Variants in TMEM132D observed in about 807,000 individuals in gnomAD.
TMEM132D encodes the protein mature OL transmembrane protein.
A neutral mutation model predicts 62.3 loss-of-function variants in TMEM132D; 21 were observed. The observed-to-expected ratio is 0.34, with a 90% CI of 0.24 to 0.49. The LOEUF (loss-of-function observed/expected upper bound fraction) is 0.49. Among genes scored for constraint, TMEM132D ranks in the 20% least tolerant of loss-of-function variants. TMEM132D has a pLI of 0.99. For synonymous variants in TMEM132D, 621 were observed against 575.6 expected, an observed-to-expected ratio of 1.08 and a Z score of -1.13; for missense variants, 1,346 against 1,402.8, an observed-to-expected ratio of 0.96 and a Z score of 0.65.
At chr12:129,449,110 TTC>T (rs1417476789) in intron 3 of TMEM132D, among the ~76,000 whole-genome samples, 3 of 152,180 alleles carry the variant, frequency 2.0e-5, no homozygotes, top group Admixed American at 2.0e-4. Context: ...GATTTCATGG[TTC>T]ACAATGGGAA....
At chr12:129,542,506 T>C (rs969254273) in intron 2 of TMEM132D, among the ~76,000 whole-genome samples, 2 of 152,180 alleles carry the variant, frequency 1.3e-5, no homozygotes, top group African/African-American at 2.4e-5. Context: ...AGAAACGTTA[T>C]AAATATTCAA....
intron 3 of TMEM132D, among the ~76,000 whole-genome samples, chr12:129,487,793 T>C (rs1265766564): frequency 6.6e-6 from 1 of 151,466 alleles, no homozygotes; most frequent in Non-Finnish European, 1.5e-5. Context: ...AAAAATTAGC[T>C]GGGCATGGTG....
intron 1 of TMEM132D, among the ~76,000 whole-genome samples, chr12:129,726,110 G>A (rs112180682): frequency 6.6e-6 from 1 of 152,188 alleles, no homozygotes; most frequent in Non-Finnish European, 1.5e-5. Flanking sequence ...CTCATTGCTG[G>A]AAGAATTAAA....
Position 129,409,603 on chromosome 12 carries a change from A to G in TMEM132D, c.1116-71786T>C, listed in dbSNP as rs11060328. ...GAATTACCACTTTCAGCAATTTGAG[A>G]GGCTGATTTGTCACCAACATTATGA... On this transcript the variant is annotated intron_variant, in intron 3 of 8. Coordinates refer to ENST00000422113, the MANE Select transcript of TMEM132D (RefSeq NM_133448.3). Among the ~76,000 whole-genome samples, 309 of 152,332 alleles carry G rather than the reference A, an allele frequency of 2.0e-3. 2 individuals are homozygous for G. In the East Asian group the frequency reaches 0.054, roughly 27 times the overall value.
chr12:129,216,429 A>G (rs954520268), intron 4 of TMEM132D, among the ~76,000 whole-genome samples: 1 of 152,208 alleles, frequency 6.6e-6, no homozygotes, highest in Non-Finnish European at 1.5e-5. Context: ...TGTCCTTACA[A>G]GAAGAGAAAA....
At chr12:129,894,550 A>G (rs1236563180) in intron 1 of TMEM132D, among the ~76,000 whole-genome samples, 1 of 152,216 alleles carries the variant, frequency 6.6e-6, no homozygotes, top group Middle Eastern at 3.2e-3. Flanking sequence ...GTCTCTTAAG[A>G]TAATTCGAAG....
At chr12:129,278,309 C>A (rs1367332254) in intron 4 of TMEM132D, among the ~76,000 whole-genome samples, 1 of 152,148 alleles carries the variant, frequency 6.6e-6, no homozygotes, top group Non-Finnish European at 1.5e-5. Context: ...GGTCACCATG[C>A]ACATGAAACG....
intron 1 of TMEM132D, among the ~76,000 whole-genome samples, chr12:129,798,714 AG>A (rs1285891891): frequency 1.9e-5 from 1 of 53,670 alleles, no homozygotes; most frequent in Non-Finnish European, 5.1e-5. Context: ...GGGTGGAGGG[AG>A]ATAAGACTGA....
chr12:129,125,635 G>C (rs1456737100), intron 5 of TMEM132D, among the ~76,000 whole-genome samples: 1 of 151,210 alleles, frequency 6.6e-6, no homozygotes, highest in Non-Finnish European at 1.5e-5. Flanking sequence ...CTACAGGTGT[G>C]TACAAACATG....
At chr12:129,849,504 G>A (rs1053837036) in intron 1 of TMEM132D, among the ~76,000 whole-genome samples, 8 of 152,178 alleles carry the variant, frequency 5.3e-5, no homozygotes, top group Non-Finnish European at 1.2e-4. Flanking sequence ...GAATCTACTC[G>A]AGTTATGTGA....
At chr12:129,469,688 C>G (rs1366142080) in intron 3 of TMEM132D, among the ~76,000 whole-genome samples, 1 of 152,176 alleles carries the variant, frequency 6.6e-6, no homozygotes, top group Non-Finnish European at 1.5e-5. Context: ...TGTGGCACTC[C>G]CTCTTTTATA....
chr12:129,570,641 C>T (rs1402316280), intron 2 of TMEM132D, among the ~76,000 whole-genome samples: 1 of 152,170 alleles, frequency 6.6e-6, no homozygotes, highest in Non-Finnish European at 1.5e-5. Flanking sequence ...AATTCCAGTG[C>T]AATTCTGGGT....
At chr12:129,731,951 C>T (rs1248654912) in intron 1 of TMEM132D, among the ~76,000 whole-genome samples, 1 of 152,158 alleles carries the variant, frequency 6.6e-6, no homozygotes, top group African/African-American at 2.4e-5. Flanking sequence ...CGTGAGCCAC[C>T]GTGCCCGGCC....
Position 129,785,651 on chromosome 12 carries a change from C to G in TMEM132D, c.80-84953G>C, listed in dbSNP as rs187569249. On this transcript the variant is annotated intron_variant, in intron 1 of 8. Transcript: ENST00000422113. ...GCCTTTGAAACGCAGGCCAGAAAGA[C>G]AGCCCCAGCCAGGAACCAACCCTTC... 5.7e-3 allele frequency among the ~76,000 whole-genome samples: 873 copies of G among 152,268 alleles called. 3 individuals carry two copies. The highest frequency in any genetic ancestry group is 8.2e-3 in the Non-Finnish European group (561 of 68,012).
intron 1 of TMEM132D, among the ~76,000 whole-genome samples, chr12:129,808,849 A>AG (rs1872078035): frequency 6.6e-6 from 1 of 152,174 alleles, no homozygotes; most frequent in African/African-American, 2.4e-5. Context: ...CAAAGATATT[A>AG]GAGAATATGT....
At chr12:129,680,154 AG>A (rs1880741790) in intron 2 of TMEM132D, among the ~76,000 whole-genome samples, 1 of 152,192 alleles carries the variant, frequency 6.6e-6, no homozygotes, top group Non-Finnish European at 1.5e-5. Flanking sequence ...TGTGCTGAGA[AG>A]GGGAATGGAA....
At position 129,854,363 on chromosome 12, in the gene TMEM132D, C is replaced by T. The variant is rs1873646398; in HGVS notation, c.79+48898G>A. On this transcript the variant is annotated intron_variant, in intron 1 of 8. Transcript: ENST00000422113. ...TGTGACACAGGGCCAATGTCACAGG[C>T]CAAGGAAGTCAGAGGAGCAGGATTC... is the stretch of plus-strand genomic sequence containing the variant. 3.3e-5 allele frequency among the ~76,000 whole-genome samples: 5 copies of T among 152,130 alleles called. No individual in the cohort carries two copies. In the South Asian group the frequency reaches 8.3e-4, roughly 25 times the overall value.
At chr12:129,690,199 T>C (rs1387828896) in intron 2 of TMEM132D, among the ~76,000 whole-genome samples, 2 of 152,020 alleles carry the variant, frequency 1.3e-5, no homozygotes, top group Non-Finnish European at 2.9e-5. Context: ...AGAGAAACAA[T>C]TAATATTTTA....
intron 5 of TMEM132D, among the ~76,000 whole-genome samples, chr12:129,163,075 C>T (rs1011507161): frequency 3.3e-5 from 5 of 152,302 alleles, no homozygotes; most frequent in Non-Finnish European, 5.9e-5. Flanking sequence ...ACCTTACTTG[C>T]ACCCTGCAGG....
Sources: allele counts gnomAD v4.1 joint callset (sites outside exome capture counted in the v4.1 genomes callset), GRCh38; gene constraint gnomAD v4.1.1; transcripts MANE v1.5; gene names NCBI Gene and HGNC (gene_info 2026-07-23, HGNC 2026-07-21).